The following LRP1B variants were observed in gnomAD, a reference collection of about 807,000 sequenced individuals.
The protein encoded by LRP1B is LDL receptor related protein 1B.
Under a neutral mutation model 556.6 loss-of-function variants are expected in LRP1B, and 217 were observed. The observed-to-expected ratio is 0.39, with a 90% confidence interval of 0.35 to 0.44. The LOEUF (loss-of-function observed/expected upper bound fraction) is 0.44. Ranked by LOEUF, LRP1B falls within the 20% of genes least tolerant of loss-of-function variation. LRP1B has a pLI of 1.00. For synonymous variants in LRP1B, 2,047 were observed against 1,865.8 expected, an observed-to-expected ratio of 1.10 and a Z score of -2.50; for missense variants, 5,053 against 5,620.8, an observed-to-expected ratio of 0.90 and a Z score of 3.23.
intron 43 of LRP1B, among the ~76,000 whole-genome samples, chr2:140,561,159 C>T (rs777523994): frequency 6.6e-5 from 10 of 152,086 alleles, no homozygotes; most frequent in African/African-American, 1.2e-4. Flanking sequence ...CACAGCCAGC[C>T]GTAAAAGGTA....
intron 31 of LRP1B, among the ~76,000 whole-genome samples, chr2:140,823,706 T>C (rs1691404850): frequency 6.6e-6 from 1 of 151,566 alleles, no homozygotes; most frequent in African/African-American, 2.4e-5. Context: ...AGTTTATATA[T>C]ATAGTTTAAA....
rs1481038465 is a variant in LRP1B at position 140,383,415 on chromosome 2, ACT to A, written c.10531+2476_10531+2477del. Among the ~76,000 whole-genome samples the A allele has an allele frequency of 4.6e-5, 7 of 151,948 alleles. No individual in the cohort carries two copies. The South Asian group carries it at 1.5e-3, about 32-fold the overall frequency. ...TTTTTCTAAAGCTTGTTTCTATATG[ACT>A]AATATTTTGGTGCTCCCCAAAGATA... On this transcript the variant is annotated intron_variant, in intron 67 of 90. Transcript: ENST00000389484.
At chr2:141,672,539 T>C (rs1252302519) in intron 2 of LRP1B, among the ~76,000 whole-genome samples, 1 of 152,192 alleles carries the variant, frequency 6.6e-6, no homozygotes, top group Non-Finnish European at 1.5e-5. Flanking sequence ...TGTTTGGGTG[T>C]CATGAAAAGT....
chr2:140,745,741 C>T (rs949616295), intron 35 of LRP1B, among the ~76,000 whole-genome samples: 1 of 151,998 alleles, frequency 6.6e-6, no homozygotes, highest in African/African-American at 2.4e-5. Context: ...AGTCATTTTG[C>T]CATCCTTGGT....
intron 43 of LRP1B, 45 bp from the exon 44 acceptor site, chr2:140,542,016 C>CA (rs2105021605): frequency 7.5e-7 from 1 of 1,330,800 alleles, no homozygotes; most frequent in East Asian, 2.5e-5. Flanking sequence ...AATATATAGA[C>CA]ATTTATACGT....
chr2:140,469,071 A>G (rs536859392), intron 60 of LRP1B, among the ~76,000 whole-genome samples: 1 of 152,304 alleles, frequency 6.6e-6, no homozygotes, highest in South Asian at 2.1e-4. Context: ...TTGAGATCAA[A>G]TAAGTGTATT....
chr2:141,635,143 GAAAGA>G (rs1689068567), intron 2 of LRP1B, among the ~76,000 whole-genome samples: 1 of 146,554 alleles, frequency 6.8e-6, no homozygotes, highest in African/African-American at 2.6e-5. Flanking sequence ...GAAAAGAAAA[GAAAGA>G]AAAGAAAATG....
At chr2:141,962,299 G>C (rs992710952) in intron 1 of LRP1B, among the ~76,000 whole-genome samples, 3 of 151,678 alleles carry the variant, frequency 2.0e-5, no homozygotes, top group African/African-American at 7.3e-5. Flanking sequence ...ACATGTGGGG[G>C]AAAAATAAGT....
chr2:140,861,655 T>C (rs1176292531), intron 27 of LRP1B, among the ~76,000 whole-genome samples: 2 of 152,218 alleles, frequency 1.3e-5, no homozygotes, highest in Admixed American at 1.3e-4. Flanking sequence ...TAGTAAATTA[T>C]ATTTTGTAGT....
chr2:140,511,458 C>T (rs1039613196), intron 51 of LRP1B, among the ~76,000 whole-genome samples: 13 of 151,924 alleles, frequency 8.6e-5, no homozygotes, highest in South Asian at 4.1e-4. Flanking sequence ...CCCGCCTCCA[C>T]GCCCGGCTAA....
chr2:140,343,567 A>G (rs965754696), intron 77 of LRP1B, among the ~76,000 whole-genome samples: 1 of 151,736 alleles, frequency 6.6e-6, no homozygotes, highest in Non-Finnish European at 1.5e-5. Context: ...AAAATGGCAT[A>G]GGTAAAATTA....
chr2:141,465,763 C>T (rs1682166632), intron 3 of LRP1B, among the ~76,000 whole-genome samples: 1 of 152,046 alleles, frequency 6.6e-6, no homozygotes. Context: ...TTTTCCAGGT[C>T]TCGAACTCAT....
intron 35 of LRP1B, among the ~76,000 whole-genome samples, chr2:140,759,872 A>G (rs1408711185): frequency 1.3e-5 from 2 of 152,232 alleles, no homozygotes; most frequent in Non-Finnish European, 2.9e-5. Context: ...ATACAAATAC[A>G]CAATTTCCCA....
chr2:140,406,045 A>G (rs36123407), intron 66 of LRP1B, among the ~76,000 whole-genome samples: 17,136 of 152,192 alleles, frequency 0.11, 1,082 homozygotes, highest in African/African-American at 0.17. Flanking sequence ...ACATATGCAA[A>G]TCCGTTAATG....
intron 66 of LRP1B, among the ~76,000 whole-genome samples, chr2:140,406,898 A>G (rs1020428654): frequency 5.3e-5 from 8 of 152,164 alleles, no homozygotes; most frequent in Non-Finnish European, 8.8e-5. Context: ...AATACTACGT[A>G]AAAAGAACAA....
chr2:140,867,663 A>G lies in LRP1B; in HGVS notation c.4506T>C (p.Asn1502=). The change falls in exon 27 of 91, where the codon AAT becomes AAC. Residue 1502 remains asparagine (N), a synonymous_variant. Transcript: ENST00000389484. ...CACTGGTTTTCTGAATCACACTGAC[A>G]TTCTGCCCTGTCCACTTATTGGCTT... ...LSKANKWTGQ[N]VSVIQKTSAQ... 6.2e-7 allele frequency: 1 copy of G among 1,613,674 alleles called. No individual in the cohort carries two copies. Among genetic ancestry groups the G allele is most frequent in the Non-Finnish European group, 8.5e-7 (1 of 1,179,698 alleles).
At chr2:141,274,098 C>T (rs999016909) in intron 3 of LRP1B, among the ~76,000 whole-genome samples, 2 of 152,168 alleles carry the variant, frequency 1.3e-5, no homozygotes, top group African/African-American at 2.4e-5. Flanking sequence ...ATGGAATCCT[C>T]CTACACTCTT....
chr2:141,221,660 G>A (rs1345340226), intron 6 of LRP1B, among the ~76,000 whole-genome samples: 1 of 151,996 alleles, frequency 6.6e-6, no homozygotes, highest in Non-Finnish European at 1.5e-5. Context: ...GCTCTAAAAT[G>A]GATCATATAA....
chr2:141,296,184 C>T (rs1686177712), intron 3 of LRP1B, among the ~76,000 whole-genome samples: 1 of 152,152 alleles, frequency 6.6e-6, no homozygotes, highest in Non-Finnish European at 1.5e-5. Context: ...GCTATCCTAA[C>T]TCCTTATTTT....
Sources: allele counts gnomAD v4.1 joint callset (sites outside exome capture counted in the v4.1 genomes callset), GRCh38; gene constraint gnomAD v4.1.1; transcripts MANE v1.5; gene names NCBI Gene and HGNC (gene_info 2026-07-23, HGNC 2026-07-21).